Variants in KRT222 observed in about 807,000 individuals in gnomAD.
KRT222 encodes keratin 222.
A neutral mutation model predicts 35.0 loss-of-function variants in KRT222; 23 were observed. The observed-to-expected ratio is 0.66, with a 90% CI of 0.47 to 0.93. KRT222 has a LOEUF of 0.93. Among genes scored for constraint, KRT222 ranks in the 40% least tolerant of loss-of-function variants. The probability of loss-of-function intolerance (pLI) is 0.00; values close to 1 mark genes in which losing one functional copy is unlikely to be tolerated. For missense variants in KRT222, 339 were observed against 346.3 expected (o/e 0.98, Z 0.17); for synonymous variants, 108 against 118.8 (o/e 0.91, Z 0.59).
chr17:40,663,644 C>T (rs1207818817), intron 1 of KRT222, among the ~76,000 whole-genome samples: 2 of 152,112 alleles, frequency 1.3e-5, no homozygotes, highest in African/African-American at 4.8e-5. Flanking sequence ...ACTAAAATAG[C>T]TTATTTAGAA....
At chr17:40,656,671 G>T in intron 5 of KRT222, 41 bp from the exon 6 acceptor site, 1 of 1,128,536 alleles carries the variant, frequency 8.9e-7, no homozygotes, top group East Asian at 2.4e-5. Flanking sequence ...GAAGAAGTAT[G>T]GGTCTATTAA....
intron 3 of KRT222, among the ~76,000 whole-genome samples, chr17:40,659,230 A>T (rs992946184): frequency 1.3e-5 from 2 of 148,834 alleles, no homozygotes; most frequent in Non-Finnish European, 3.0e-5. Context: ...GTCTCGGCTC[A>T]CTGCAACCTG....
Position 40,656,199 on chromosome 17 carries a change from CATAT to C in KRT222, c.*199_*202del, listed in dbSNP as rs113120454. ...TATTTTTAAGCTACTCCCTCTCATT[CATAT>C]ATATATATATATGTCTATCTCCATA... On this transcript the variant is annotated 3_prime_UTR_variant, in exon 6 of 6. Coordinates refer to ENST00000394052, the MANE Select transcript of KRT222 (RefSeq NM_152349.3). 1.3e-4 allele frequency: 56 copies of C among 421,070 alleles called. No individual in the cohort carries two copies. Among genetic ancestry groups the C allele is most frequent in the South Asian group, 2.3e-4 (4 of 17,048 alleles). The allele number at this position is 421,070 out of a possible 1,614,324, so 26.1% of individuals were successfully genotyped here. A position where few individuals can be genotyped will look rare whatever the true frequency, so the allele number is the denominator to read the frequency against.
rs1243343978 is a variant in KRT222 at position 40,660,025 on chromosome 17, T to C, written c.408A>G (p.Ile136Met). Residue 136 changes from isoleucine (I) to methionine (M), a missense_variant, in exon 3 of 6, where the codon ATA (isoleucine) becomes ATG (methionine). Transcript: ENST00000394052. ...LNTKMRLEQE[I>M]ATYRHLLEKE... ...TTTCTAGGAGGTGGCGATAAGTTGC[T>C]ATTTCTTGTTCCAGCCTCATCTTCG... is the stretch of plus-strand genomic sequence containing the variant. The C allele has an allele frequency of 6.2e-7, 1 of 1,614,208 alleles. No homozygotes were observed. Among genetic ancestry groups the C allele is most frequent in the Non-Finnish European group, 8.5e-7 (1 of 1,180,030 alleles).
In KRT222 at chr17:40,665,144, G is replaced by A; in HGVS notation, c.-45C>T. The stretch of plus-strand genomic sequence containing the variant: ...TTGGCTAACTGAACCTTATCGATAG[G>A]ATGAGTCGCTGCGGCAGTCTGCTCG... On this transcript the variant is annotated 5_prime_UTR_variant, in exon 1 of 6. Transcript: ENST00000394052. The A allele has an allele frequency of 6.3e-7, 1 of 1,577,170 alleles. No homozygotes were observed. The highest frequency in any genetic ancestry group is 8.7e-7 in the Non-Finnish European group (1 of 1,148,268).
chr17:40,657,276 A>T, intron 5 of KRT222, 76 bp downstream of exon 5: 1 of 1,010,648 alleles, frequency 9.9e-7, no homozygotes, highest in Non-Finnish European at 1.4e-6. Flanking sequence ...AAAGAAGAGT[A>T]ATTACTGGGA....
intron 2 of KRT222, among the ~76,000 whole-genome samples, chr17:40,660,599 T>G (rs945121108): frequency 6.6e-6 from 1 of 152,074 alleles, no homozygotes; most frequent in African/African-American, 2.4e-5. Flanking sequence ...TATGTTCTAT[T>G]TTTTTCTTTA....
intron 2 of KRT222, among the ~76,000 whole-genome samples, 175 bp from the exon 3 acceptor site, chr17:40,660,382 T>C (rs955038846): frequency 6.6e-6 from 1 of 151,704 alleles, no homozygotes; most frequent in Non-Finnish European, 1.5e-5. Flanking sequence ...CTGGGCTCAA[T>C]GATTCTCCTC....
At chr17:40,663,112 AG>A (rs1413947713) in intron 1 of KRT222, among the ~76,000 whole-genome samples, 2 of 152,210 alleles carry the variant, frequency 1.3e-5, no homozygotes, top group Non-Finnish European at 2.9e-5. Flanking sequence ...GAGCAACTAC[AG>A]AAGGTAAAGT....
chr17:40,659,695 A>AT (rs1292905787), intron 3 of KRT222, among the ~76,000 whole-genome samples: 4 of 152,206 alleles, frequency 2.6e-5, no homozygotes, highest in African/African-American at 9.7e-5. Context: ...AAGTGCTGGG[A>AT]TTACAGCAGT....
rs529264392 is a variant in KRT222, at chr17:40,655,060, G to GTA, written c.*1340_*1341dup. The GTA allele has an allele frequency of 1.4e-4, 21 of 144,952 alleles. No homozygotes were observed. The highest frequency in any genetic ancestry group is 6.4e-4 in the South Asian group (3 of 4,654). 9.0% of individuals were successfully genotyped at this position (144,952 alleles called of 1,614,324 possible). A position where few individuals can be genotyped will look rare whatever the true frequency, so the allele number is the denominator to read the frequency against. ...ATACATATATATAAATTATATATAT[G>GTA]TATATATATAATAAGTATATATGGA... On this transcript the variant is annotated 3_prime_UTR_variant, in exon 6 of 6. Coordinates refer to ENST00000394052, the MANE Select transcript of KRT222 (RefSeq NM_152349.3).
intron 2 of KRT222, among the ~76,000 whole-genome samples, chr17:40,661,618 T>C (rs1167484418): frequency 6.6e-6 from 1 of 152,206 alleles, no homozygotes; most frequent in East Asian, 1.9e-4. Context: ...TCTCCACTGT[T>C]AAGACTTTGG....
intron 5 of KRT222, 90 bp from the exon 6 acceptor site, chr17:40,656,720 A>C: frequency 1.5e-6 from 1 of 665,920 alleles, no homozygotes; most frequent in Non-Finnish European, 2.5e-6. Flanking sequence ...GGAAAAATCA[A>C]GAAATTTGTA....
intron 2 of KRT222, 61 bp downstream of exon 2, chr17:40,661,855 T>A (rs1206989752): frequency 1.3e-6 from 2 of 1,555,168 alleles, no homozygotes; most frequent in Non-Finnish European, 8.7e-7. Context: ...ATCTTTTCCT[T>A]CTCTTAATCA....
At chr17:40,659,259 G>A (rs925616157) in intron 3 of KRT222, among the ~76,000 whole-genome samples, 32 of 151,826 alleles carry the variant, frequency 2.1e-4, no homozygotes, top group Non-Finnish European at 3.1e-4. Flanking sequence ...GGATTCAGGC[G>A]AGTCTCCTGT....
chr17:40,660,757 G>GAA (rs34751443), intron 2 of KRT222, among the ~76,000 whole-genome samples: 59 of 150,206 alleles, frequency 3.9e-4, no homozygotes, highest in Middle Eastern at 3.5e-3. Flanking sequence ...AATTCTTACT[G>GAA]AAAAAAAAAT....
rs556663767 is a variant in KRT222, at chr17:40,656,825, CTCA to C, written c.660-198_660-196del. Among the ~76,000 whole-genome samples the C allele has an allele frequency of 5.9e-5, 9 of 152,022 alleles. No individual in the cohort carries two copies. In the South Asian group the frequency reaches 1.9e-3, roughly 32 times the overall value. ...TGTATGGAATTTCTCTTTAGGAATT[CTCA>C]TGTTTGGGTTGTATTTTTGGAAAAA... On this transcript the variant is annotated intron_variant, in intron 5 of 5. Coordinates refer to ENST00000394052, the MANE Select transcript of KRT222 (RefSeq NM_152349.3).
At chr17:40,660,434 C>T (rs1357003928) in intron 2 of KRT222, among the ~76,000 whole-genome samples, 2 of 151,980 alleles carry the variant, frequency 1.3e-5, no homozygotes, top group African/African-American at 4.8e-5. Flanking sequence ...CGCGTGCCAC[C>T]ACGCCCGGCT....
At chr17:40,664,138 G>C (rs992435529) in intron 1 of KRT222, among the ~76,000 whole-genome samples, 1 of 151,796 alleles carries the variant, frequency 6.6e-6, no homozygotes, top group African/African-American at 2.4e-5. Context: ...TGTATTTCAG[G>C]GTTTGGAAGA....
Sources: gnomAD v4.1 joint callset for allele counts (sites outside exome capture counted in the v4.1 genomes callset) on GRCh38, gnomAD v4.1.1 for gene constraint, MANE v1.5 for transcripts, NCBI Gene and HGNC (gene_info 2026-07-23, HGNC 2026-07-21) for gene names.